Variants in INTU observed in about 807,000 individuals in gnomAD.
INTU encodes the protein protein inturned.
INTU carries 68 observed loss-of-function variants against 100.5 expected under a neutral mutation model. That is an observed-to-expected ratio of 0.68 (90% confidence interval 0.56 to 0.83). INTU has a LOEUF of 0.83. Ranked by LOEUF, INTU falls within the 40% of genes least tolerant of loss-of-function variation. The probability of loss-of-function intolerance (pLI) is 0.00; values close to 1 mark genes in which losing one functional copy is unlikely to be tolerated. For synonymous variants in INTU, 357 were observed against 395.7 expected, an observed-to-expected ratio of 0.90 and a Z score of 1.16; for missense variants, 1,071 against 1,114.7, an observed-to-expected ratio of 0.96 and a Z score of 0.56.
Position 127,642,983 on chromosome 4 carries a change from A to C in INTU, c.147-538A>C, listed in dbSNP as rs114731580. Reference sequence around the variant, plus strand: ...CAGATTTTAGTTCATGGTGAAGTGAATGTTTCTTTTTTGAAAACTTATGTA... The same window carrying C: ...CAGATTTTAGTTCATGGTGAAGTGACTGTTTCTTTTTTGAAAACTTATGTA... On this transcript the variant is annotated intron_variant, in intron 1 of 15. Transcript: ENST00000335251. Among the ~76,000 whole-genome samples the C allele has an allele frequency of 2.4e-3, 364 of 152,262 alleles. 2 individuals are homozygous for C. The highest frequency in any genetic ancestry group is 8.3e-3 in the African/African-American group (346 of 41,548).
At chr4:127,709,711 TCA>T (rs3066389) in intron 13 of INTU, among the ~76,000 whole-genome samples, 7,700 of 143,270 alleles carry the variant, frequency 0.054, 450 homozygotes, top group African/African-American at 0.15. Context: ...CTAATAGAAT[TCA>T]CACACACACA....
At chr4:127,676,310 A>C (rs1419499888) in intron 6 of INTU, among the ~76,000 whole-genome samples, 1 of 152,126 alleles carries the variant, frequency 6.6e-6, no homozygotes, top group African/African-American at 2.4e-5. Flanking sequence ...CTCTACAGCC[A>C]GGCAGTGGCT....
chr4:127,713,712 A>G (rs1731168142), intron 14 of INTU, among the ~76,000 whole-genome samples: 1 of 152,174 alleles, frequency 6.6e-6, no homozygotes, highest in Non-Finnish European at 1.5e-5. Flanking sequence ...AGGCCTGTGA[A>G]CAAAGTGTTC....
intron 10 of INTU, among the ~76,000 whole-genome samples, chr4:127,704,716 C>T (rs1730799634): frequency 6.6e-6 from 1 of 152,128 alleles, no homozygotes; most frequent in East Asian, 1.9e-4. Flanking sequence ...AGAAGCAATA[C>T]TCAAAGAACC....
intron 2 of INTU, among the ~76,000 whole-genome samples, chr4:127,650,536 C>A (rs1727806402): frequency 6.6e-6 from 1 of 152,108 alleles, no homozygotes; most frequent in Non-Finnish European, 1.5e-5. Context: ...CATGTCCCTA[C>A]AAAGCACATG....
chr4:127,714,618 C>T (rs904537286), intron 15 of INTU, among the ~76,000 whole-genome samples: 2 of 152,108 alleles, frequency 1.3e-5, no homozygotes, highest in African/African-American at 4.8e-5. Flanking sequence ...ATATTCAGAC[C>T]AGTGCTAACA....
intron 6 of INTU, among the ~76,000 whole-genome samples, chr4:127,683,648 C>T (rs1350001786): frequency 6.6e-6 from 1 of 152,100 alleles, no homozygotes; most frequent in Non-Finnish European, 1.5e-5. Context: ...GATCGAGGGA[C>T]ATGTGTTTTC....
chr4:127,645,143 T>C (rs540056291), intron 2 of INTU, among the ~76,000 whole-genome samples: 1 of 152,296 alleles, frequency 6.6e-6, no homozygotes, highest in South Asian at 2.1e-4. Flanking sequence ...CAACAGGATC[T>C]GCACACTTTC....
chr4:127,673,134 G>A (rs1729008918), intron 5 of INTU, among the ~76,000 whole-genome samples: 1 of 152,064 alleles, frequency 6.6e-6, no homozygotes, highest in Non-Finnish European at 1.5e-5. Context: ...TCATAAATAG[G>A]CAGTCACAAA....
rs1223167617 is a variant in INTU at position 127,726,317 on chromosome 4, C to G, written c.*9881C>G. The stretch of plus-strand genomic sequence containing the variant: ...ATATTTCTAATACAAATGGGCAAAG[C>G]TGTGAAACCAATTTACTAGGTTTTT... On this transcript the variant is annotated 3_prime_UTR_variant, in exon 16 of 16. Coordinates refer to ENST00000335251, the MANE Select transcript of INTU (RefSeq NM_015693.4). The G allele has an allele frequency of 6.6e-6, 1 of 152,138 alleles. No homozygotes were observed. Among genetic ancestry groups the G allele is most frequent in the Non-Finnish European group, 1.5e-5 (1 of 68,020 alleles). 9.4% of individuals were successfully genotyped at this position (152,138 alleles called of 1,614,324 possible).
At chr4:127,654,647 C>T (rs1179980010) in intron 2 of INTU, among the ~76,000 whole-genome samples, 17 of 150,564 alleles carry the variant, frequency 1.1e-4, no homozygotes, top group Non-Finnish European at 4.5e-5. Context: ...TCTCTGGCTG[C>T]CCTTAACATT....
rs1438059557 is a variant in INTU, at chr4:127,716,583, T to A, written c.*147T>A. 2 of 387,960 alleles carry A rather than the reference T, an allele frequency of 5.2e-6. No individual in the cohort carries two copies. The highest frequency in any genetic ancestry group is 4.3e-5 in the Admixed American group (1 of 23,120). The allele number at this position is 387,960 out of a possible 1,614,324, so 24.0% of individuals were successfully genotyped here. On this transcript the variant is annotated 3_prime_UTR_variant, in exon 16 of 16. Coordinates refer to ENST00000335251, the MANE Select transcript of INTU (RefSeq NM_015693.4). ...ATTGTTAAATATTGAGATGAAATGCTGTTGGATTTGATACATTAAATCTTA... is the reference window on the plus strand; with the variant it reads ...ATTGTTAAATATTGAGATGAAATGCAGTTGGATTTGATACATTAAATCTTA...
chr4:127,680,699 G>A (rs983988477), intron 6 of INTU, among the ~76,000 whole-genome samples: 2 of 145,544 alleles, frequency 1.4e-5, no homozygotes, highest in African/African-American at 2.6e-5. Context: ...CACAAGACAG[G>A]GATGCCGTCT....
At chr4:127,689,658 T>A (rs986790367) in intron 8 of INTU, among the ~76,000 whole-genome samples, 2 of 146,038 alleles carry the variant, frequency 1.4e-5, no homozygotes, top group African/African-American at 5.1e-5. Flanking sequence ...AATGAGACCC[T>A]ATCTCAGGAA....
intron 2 of INTU, among the ~76,000 whole-genome samples, chr4:127,649,267 T>G (rs1727723267): frequency 6.6e-6 from 1 of 152,184 alleles, no homozygotes; most frequent in Non-Finnish European, 1.5e-5. Context: ...AGCATTGACC[T>G]TATTATACCA....
chr4:127,663,361 C>G lies in INTU; in HGVS notation c.769-20C>G. 6.3e-7 allele frequency: 1 copy of G among 1,593,274 alleles called. No individual in the cohort carries two copies. Among genetic ancestry groups the G allele is most frequent in the South Asian group, 1.1e-5 (1 of 90,072 alleles). On this transcript the variant is annotated intron_variant, in intron 3 of 15. Coordinates refer to ENST00000335251, the MANE Select transcript of INTU (RefSeq NM_015693.4). ...ATTTTCCCTTGTCGAAAAGTCAACA[C>G]ATTGTTTTAATTTTTAAAGGTGAAA...
chr4:127,724,151 G>A lies in INTU; in HGVS notation c.*7715G>A, dbSNP rs929404490. The A allele has an allele frequency of 6.6e-6, 1 of 152,050 alleles. No individual in the cohort carries two copies. Among genetic ancestry groups the A allele is most frequent in the Non-Finnish European group, 1.5e-5 (1 of 68,034 alleles). 9.4% of individuals were successfully genotyped at this position (152,050 alleles called of 1,614,324 possible). The stretch of plus-strand genomic sequence containing the variant: ...TACTAATTTTTGGCCGGGCACGGTG[G>A]TGGCTCACGCCTGTAATCCCAGCAC... On this transcript the variant is annotated 3_prime_UTR_variant, in exon 16 of 16. Coordinates refer to ENST00000335251, the MANE Select transcript of INTU (RefSeq NM_015693.4).
chr4:127,681,103 G>A (rs1391410602), intron 6 of INTU, among the ~76,000 whole-genome samples: 6 of 151,906 alleles, frequency 3.9e-5, no homozygotes, highest in Non-Finnish European at 7.4e-5. Flanking sequence ...AAATAAAAGA[G>A]GATACAAACA....
chr4:127,667,347 C>T (rs939863794), intron 4 of INTU, among the ~76,000 whole-genome samples: 2 of 152,156 alleles, frequency 1.3e-5, no homozygotes, highest in Non-Finnish European at 2.9e-5. Flanking sequence ...CTTAAAAATA[C>T]AGCTAATTAA....
Sources: allele counts gnomAD v4.1 joint callset (sites outside exome capture counted in the v4.1 genomes callset), GRCh38; gene constraint gnomAD v4.1.1; transcripts MANE v1.5; gene names NCBI Gene and HGNC (gene_info 2026-07-23, HGNC 2026-07-21).